OTUD7A: variants seen among roughly 807,000 people sequenced by gnomAD.
The protein encoded by OTUD7A is OTU deubiquitinase 7A, also known as OTU domain-containing protein 7A.
A neutral mutation model predicts 65.7 loss-of-function variants in OTUD7A; 12 were observed. The ratio of observed to expected loss-of-function variants is 0.18; its 90% confidence interval spans 0.12 to 0.30. The LOEUF is 0.30. Ranked by LOEUF, OTUD7A falls within the 10% of genes least tolerant of loss-of-function variation. The probability of loss-of-function intolerance (pLI) is 1.00; values close to 1 mark genes in which losing one functional copy is unlikely to be tolerated. For missense variants in OTUD7A, 1,148 were observed against 1,304.8 expected (o/e 0.88, Z 1.85); for synonymous variants, 641 against 586.3 (o/e 1.09, Z -1.35).
chr15:31,503,561 A>C, intron 9 of OTUD7A, 130 bp downstream of exon 9: 18 of 1,229,568 alleles, frequency 1.5e-5, no homozygotes, highest in Non-Finnish European at 2.0e-5. Context: ...AAACACGTCG[A>C]GGAGATCTTT....
chr15:31,483,957 C>T lies in OTUD7A; in HGVS notation c.2139G>A (p.Pro713=), dbSNP rs953736769. The change falls in exon 13 of 13, where the codon CCG becomes CCA. Residue 713 remains proline (P), a synonymous_variant. Coordinates refer to ENST00000307050, the MANE Select transcript of OTUD7A (RefSeq NM_001382637.1). ...RRPETEGVPV[P]ERASPGPPTQ... Reference sequence around the variant, plus strand: ...TGGGTGGGCCCGGAGAGGCGCGCTCCGGGACCGGCACGCCCTCCGTCTCCG... The same window carrying T: ...TGGGTGGGCCCGGAGAGGCGCGCTCTGGGACCGGCACGCCCTCCGTCTCCG... The T allele has an allele frequency of 9.2e-5, 104 of 1,128,558 alleles. No individual in the cohort carries two copies. In the African/African-American group the frequency reaches 1.6e-3, roughly 17 times the overall value. 69.9% of individuals were successfully genotyped at this position (1,128,558 alleles called of 1,614,324 possible).
At chr15:31,853,737 G>C (rs987878545) in intron 1 of OTUD7A, among the ~76,000 whole-genome samples, 2 of 152,336 alleles carry the variant, frequency 1.3e-5, no homozygotes, top group Non-Finnish European at 1.5e-5. Flanking sequence ...GCCTGCCTTA[G>C]ACAAAGGGAA....
intron 1 of OTUD7A, among the ~76,000 whole-genome samples, chr15:31,688,270 C>T (rs1198758177): frequency 6.6e-6 from 1 of 151,782 alleles, no homozygotes; most frequent in Non-Finnish European, 1.5e-5. Context: ...TGACCTTAGC[C>T]CAGTGAACAA....
rs376598355 is a variant in OTUD7A, at chr15:31,756,370, C to G, written c.-99-99293G>C. Among the ~76,000 whole-genome samples the G allele has an allele frequency of 3.2e-4, 49 of 152,186 alleles. No homozygotes were observed. The South Asian group carries it at 9.3e-3, about 29-fold the overall frequency. On this transcript the variant is annotated intron_variant, in intron 1 of 12. Coordinates refer to ENST00000307050, the MANE Select transcript of OTUD7A (RefSeq NM_001382637.1). The stretch of plus-strand genomic sequence containing the variant: ...GAATAATGTAGACATTAAAGAAAAC[C>G]TTTTTGTTTCTCCTCTCAAGGTACT...
chr15:31,510,917 T>C (rs2041691964), intron 8 of OTUD7A, among the ~76,000 whole-genome samples: 1 of 34,318 alleles, frequency 2.9e-5, no homozygotes, highest in Non-Finnish European at 4.7e-5. Flanking sequence ...TATGTATATC[T>C]ATATGTAACA....
chr15:31,487,257 G>A lies in OTUD7A; in HGVS notation c.1308C>T (p.Ala436=). The A allele has an allele frequency of 1.9e-6, 3 of 1,614,116 alleles. No individual in the cohort carries two copies. Among genetic ancestry groups the A allele is most frequent in the Non-Finnish European group, 2.5e-6 (3 of 1,179,996 alleles). ...TGTAGCTGTGCAGAAGGTTCAGCTT[G>A]GCTTCTAGCGACAGGATAAGGCTGG... The part of the protein sequence containing the change: ...RLAHLILSLE[A]KLNLLHSYMN... Residue 436 remains alanine (A), a synonymous_variant, in exon 12 of 13, where the codon GCC becomes GCT. Coordinates refer to ENST00000307050, the MANE Select transcript of OTUD7A (RefSeq NM_001382637.1). The surrounding 1 kb of genome is among the most constrained non-coding windows in gnomAD (Gnocchi z 6.0).
intron 8 of OTUD7A, among the ~76,000 whole-genome samples, chr15:31,519,760 C>T (rs557317875): frequency 2.0e-5 from 3 of 152,204 alleles, no homozygotes; most frequent in Non-Finnish European, 4.4e-5. Flanking sequence ...CATAAAGACT[C>T]TACCAAAAAC....
rs1398118771 is a variant in OTUD7A at position 31,808,134 on chromosome 15, C to CAA, written c.-100+62372_-100+62373insTT. ...ACACACACACACACACACACACACA[C>CAA]ACAAACAAATCCTCACCAGGTTTTT... On this transcript the variant is annotated intron_variant, in intron 1 of 12. Coordinates refer to ENST00000307050, the MANE Select transcript of OTUD7A (RefSeq NM_001382637.1). Among the ~76,000 whole-genome samples the CAA allele has an allele frequency of 1.0e-4, 10 of 95,804 alleles. No homozygotes were observed. The East Asian group carries it at 1.7e-3, about 16-fold the overall frequency. The allele number at this position is 95,804 out of a possible 152,430, so 62.9% of individuals were successfully genotyped here.
chr15:31,732,289 G>A (rs909740719), intron 1 of OTUD7A, among the ~76,000 whole-genome samples: 1 of 152,228 alleles, frequency 6.6e-6, no homozygotes, highest in Non-Finnish European at 1.5e-5. Flanking sequence ...CATGCGCAGA[G>A]CTGGTGTCTC....
chr15:31,814,306 AG>A (rs2140964782), intron 1 of OTUD7A, among the ~76,000 whole-genome samples: 1 of 152,302 alleles, frequency 6.6e-6, no homozygotes, highest in East Asian at 1.9e-4. Context: ...TTCACCAGGC[AG>A]AATCATCCCC....
At chr15:31,732,974 C>A (rs1894088021) in intron 1 of OTUD7A, among the ~76,000 whole-genome samples, 2 of 152,184 alleles carry the variant, frequency 1.3e-5, no homozygotes, top group African/African-American at 4.8e-5. Flanking sequence ...GGTTCAATCT[C>A]TAATTGCTCC....
At chr15:31,609,052 C>T (rs994872976) in intron 3 of OTUD7A, among the ~76,000 whole-genome samples, 13 of 152,110 alleles carry the variant, frequency 8.5e-5, no homozygotes, top group African/African-American at 2.2e-4. Flanking sequence ...GAGAGCTGAG[C>T]GAAATACAGG....
intron 1 of OTUD7A, among the ~76,000 whole-genome samples, chr15:31,762,603 T>C (rs1271854294): frequency 6.6e-6 from 1 of 152,210 alleles, no homozygotes; most frequent in Non-Finnish European, 1.5e-5. Flanking sequence ...CTAGCTATCA[T>C]CCAGGTCCCA....
At chr15:31,729,898 C>G (rs1893994363) in intron 1 of OTUD7A, among the ~76,000 whole-genome samples, 1 of 152,180 alleles carries the variant, frequency 6.6e-6, no homozygotes, top group Non-Finnish European at 1.5e-5. Flanking sequence ...ATTCCTCCCA[C>G]TGGGTCTCAT....
chr15:31,862,862 C>T (rs1427271879), intron 1 of OTUD7A, among the ~76,000 whole-genome samples: 4 of 152,194 alleles, frequency 2.6e-5, no homozygotes, highest in African/African-American at 7.2e-5. Flanking sequence ...TAAAAGTCCA[C>T]AGTCCAAAGT....
chr15:31,570,230 C>T (rs200979878), intron 3 of OTUD7A, 33 bp from the exon 4 acceptor site: 102 of 1,606,366 alleles, frequency 6.3e-5, no homozygotes, highest in African/African-American at 6.3e-4. Flanking sequence ...GGTGACAATA[C>T]GAACGCATGA....
intron 3 of OTUD7A, among the ~76,000 whole-genome samples, chr15:31,634,581 G>A (rs2141254234): frequency 6.6e-6 from 1 of 152,362 alleles, no homozygotes; most frequent in African/African-American, 2.4e-5. Flanking sequence ...GCATGCTCAT[G>A]GCCGGAGTTC....
At chr15:31,725,034 C>T (rs576956650) in intron 1 of OTUD7A, among the ~76,000 whole-genome samples, 4 of 152,292 alleles carry the variant, frequency 2.6e-5, no homozygotes, top group African/African-American at 9.6e-5. Flanking sequence ...GCAGAGGGAT[C>T]GGGAGCCTCA....
At chr15:31,716,296 TATTATATGTAATATTG>T (rs1373315763) in intron 1 of OTUD7A, among the ~76,000 whole-genome samples, 3 of 5,040 alleles carry the variant, frequency 6.0e-4, no homozygotes, top group Admixed American at 7.9e-3. Flanking sequence ...ACATATTATG[TATTATATGTAATATTG>T]ATTAATATAT....
Sources: gnomAD v4.1 joint callset for allele counts (sites outside exome capture counted in the v4.1 genomes callset) on GRCh38, gnomAD v4.1.1 for gene constraint, Gnocchi (gnomAD v3.1) non-coding constraint, MANE v1.5 for transcripts, NCBI Gene and HGNC (gene_info 2026-07-23, HGNC 2026-07-21) for gene names.